Variants in CMTR1 observed in about 807,000 individuals in gnomAD.
The protein encoded by CMTR1 is cap methyltransferase 1.
In CMTR1, 39 loss-of-function variants were observed where a neutral mutation model predicts 107.0. The observed-to-expected ratio is 0.36, with a 90% CI of 0.28 to 0.48. CMTR1 has a LOEUF of 0.48. CMTR1 is among the 20% of genes least tolerant of loss of function. The probability of loss-of-function intolerance (pLI) is 0.99; values close to 1 mark genes in which losing one functional copy is unlikely to be tolerated. For missense variants in CMTR1, 672 were observed against 1,064.9 expected (o/e 0.63, Z 5.14); for synonymous variants, 366 against 379.5 (o/e 0.96, Z 0.41).
chr6:37,464,247 C>G (rs374522022), intron 13 of CMTR1, among the ~76,000 whole-genome samples: 1 of 152,034 alleles, frequency 6.6e-6, no homozygotes, highest in South Asian at 2.1e-4. Context: ...AGATGGATCA[C>G]GAGATCCGGA....
At chr6:37,475,292 G>C in intron 18 of CMTR1, 29 bp from the exon 19 acceptor site, 1 of 1,576,252 alleles carries the variant, frequency 6.3e-7, no homozygotes, top group Non-Finnish European at 8.7e-7. Context: ...ACCTGGCAGA[G>C]TGGGCAGTGT....
At chr6:37,432,998 T>TA (rs1771415620), upstream of CMTR1, among the ~76,000 whole-genome samples, 2 of 152,376 alleles carry the variant, frequency 1.3e-5, no homozygotes, top group Admixed American at 6.5e-5. Context: ...ACCTAGCACT[T>TA]ACAATTTTTG....
At chr6:37,471,938 G>T (rs1357519090) in intron 15 of CMTR1, 34 bp downstream of exon 15, 6 of 1,602,200 alleles carry the variant, frequency 3.7e-6, no homozygotes, top group Non-Finnish European at 5.1e-6. Context: ...CTGCTTCAGG[G>T]CAGGGAAGCC....
chr6:37,450,652 T>C (rs770328945), intron 5 of CMTR1, among the ~76,000 whole-genome samples: 1 of 152,238 alleles, frequency 6.6e-6, no homozygotes, highest in Non-Finnish European at 1.5e-5. Flanking sequence ...TTCTGATCAC[T>C]GCTAGATGAA....
Position 37,475,338 on chromosome 6 carries a change from G to C in CMTR1, c.1962G>C (p.Lys654Asn). ...CCTTCTAGGGGAAGGCCCAGAGGAAGATCAGTGCCATCCACATCCTCGATG... is the reference window on the plus strand; with the variant it reads ...CCTTCTAGGGGAAGGCCCAGAGGAACATCAGTGCCATCCACATCCTCGATG... ...ELKGEGKAQR[K>N]ISAIHILDVL... The change falls in exon 19 of 24, where the codon AAG becomes AAC. Residue 654 changes from lysine to asparagine, a missense_variant. By Grantham distance (94) the Lys-to-Asn change is moderately conservative. This residue lies in a region of CMTR1 where 583 missense variants were observed against 968.4 expected (regional missense o/e 0.60). Coordinates refer to ENST00000373451, the MANE Select transcript of CMTR1 (RefSeq NM_015050.3). 5.0e-6 allele frequency: 8 copies of C among 1,609,942 alleles called. No individual in the cohort carries two copies. The highest frequency in any genetic ancestry group is 6.8e-6 in the Non-Finnish European group (8 of 1,177,352).
intron 6 of CMTR1, among the ~76,000 whole-genome samples, chr6:37,452,197 T>C (rs1232583258): frequency 6.6e-6 from 1 of 152,192 alleles, no homozygotes; most frequent in Non-Finnish European, 1.5e-5. Context: ...AGACCAGGAT[T>C]CAAATCCAAG....
chr6:37,474,676 C>G (rs140541186), intron 18 of CMTR1, 30 bp downstream of exon 18: 3 of 1,610,952 alleles, frequency 1.9e-6, no homozygotes, highest in Non-Finnish European at 2.5e-6. Context: ...AGGTGTTGGC[C>G]CTGCAGCTAG....
intron 2 of CMTR1, among the ~76,000 whole-genome samples, chr6:37,438,290 G>A (rs1771585723): frequency 6.6e-6 from 1 of 152,064 alleles, no homozygotes; most frequent in Non-Finnish European, 1.5e-5. Flanking sequence ...TGAGGTGGGA[G>A]GATCACTTGA....
chr6:37,467,008 A>G (rs745390416), intron 13 of CMTR1, among the ~76,000 whole-genome samples: 3 of 152,218 alleles, frequency 2.0e-5, no homozygotes, highest in South Asian at 4.1e-4. Flanking sequence ...TGTCTCTACA[A>G]AACGTACAAA....
chr6:37,446,238 A>G, intron 3 of CMTR1, 53 bp from the exon 4 acceptor site: 3 of 1,590,478 alleles, frequency 1.9e-6, no homozygotes, highest in Non-Finnish European at 1.7e-6. Context: ...GATGGGGCTA[A>G]ATAAATGTCT....
chr6:37,468,348 C>A (rs1761551055), intron 13 of CMTR1, among the ~76,000 whole-genome samples: 1 of 152,052 alleles, frequency 6.6e-6, no homozygotes, highest in African/African-American at 2.4e-5. Flanking sequence ...TATATTGTTA[C>A]TATTTTTACT....
At chr6:37,444,267 G>C (rs1771736548) in intron 3 of CMTR1, 117 bp downstream of exon 3, 2 of 1,291,736 alleles carry the variant, frequency 1.5e-6, no homozygotes, top group Admixed American at 4.7e-5. Flanking sequence ...TTGCTTTTCA[G>C]CTACTGAAAT....
chr6:37,462,930 A>C lies in CMTR1; in HGVS notation c.1427A>C (p.Asp476Ala), dbSNP rs774798058. 6.2e-7 allele frequency: 1 copy of C among 1,614,176 alleles called. No homozygotes were observed. The highest frequency in any genetic ancestry group is 1.1e-5 in the South Asian group (1 of 91,084). ...KLNQLRNTDS[D>A]VNLVVPLEVI... is the part of the protein sequence containing the mutation. The stretch of plus-strand genomic sequence containing the variant: ...AATCAGCTGCGGAACACGGATTCCG[A>C]CGTCAACTTGGTGGTCCCCCTGGAG... The change falls in exon 13 of 24, where the codon GAC becomes GCC. Residue 476 changes from aspartate (D) to alanine (A), a missense_variant. Physicochemically the swap from Asp to Ala is moderately radical, Grantham distance 126. Transcript: ENST00000373451.
At chr6:37,457,471 GGAGA>G (rs1702746690) in intron 8 of CMTR1, among the ~76,000 whole-genome samples, 1 of 152,070 alleles carries the variant, frequency 6.6e-6, no homozygotes, top group African/African-American at 2.4e-5. Flanking sequence ...AGTGCAAAAA[GGAGA>G]GAGACCAAAT....
At chr6:37,442,728 G>C (rs1771701051) in intron 2 of CMTR1, among the ~76,000 whole-genome samples, 1 of 152,188 alleles carries the variant, frequency 6.6e-6, no homozygotes, top group African/African-American at 2.4e-5. Context: ...TTTTGGTTCT[G>C]GTAGGGAAAT....
intron 13 of CMTR1, among the ~76,000 whole-genome samples, chr6:37,469,577 G>GAGT (rs1299424897): frequency 7.1e-6 from 1 of 140,422 alleles, no homozygotes; most frequent in African/African-American, 2.7e-5. Flanking sequence ...GCCCAGGCTG[G>GAGT]AGTGCAATGG....
chr6:37,460,002 C>G (rs897521024), intron 10 of CMTR1, among the ~76,000 whole-genome samples: 1 of 152,126 alleles, frequency 6.6e-6, no homozygotes, highest in African/African-American at 2.4e-5. Context: ...ACAGAGGAAT[C>G]CACAGGAGGC....
At chr6:37,442,703 T>G (rs1357475618) in intron 2 of CMTR1, among the ~76,000 whole-genome samples, 1 of 152,250 alleles carries the variant, frequency 6.6e-6, no homozygotes, top group Non-Finnish European at 1.5e-5. Context: ...TTCTTGAATG[T>G]CAACCCTTAG....
intron 1 of CMTR1, among the ~76,000 whole-genome samples, chr6:37,434,156 T>G (rs1193469046): frequency 6.6e-6 from 1 of 152,108 alleles, no homozygotes; most frequent in East Asian, 1.9e-4. Context: ...AGCTTGGTCT[T>G]GCTTTCTGTT....
Sources: gnomAD v4.1 joint callset for allele counts (sites outside exome capture counted in the v4.1 genomes callset) on GRCh38, gnomAD v4.1.1 for gene constraint, gnomAD v4.1.1 regional missense constraint, MANE v1.5 for transcripts, NCBI Gene and HGNC (gene_info 2026-07-23, HGNC 2026-07-21) for gene names.